The following ZNF224 variants were observed in gnomAD, a reference collection of about 807,000 sequenced individuals.
The protein encoded by ZNF224 is bone marrow zinc finger 2.
ZNF224 carries 8 observed loss-of-function variants against 10.5 expected under a neutral mutation model. The observed-to-expected ratio is 0.76, with a 90% CI of 0.45 to 1.37. The LOEUF (loss-of-function observed/expected upper bound fraction) is 1.37. Ranked by LOEUF, ZNF224 falls within the 40% of genes most tolerant of loss-of-function variation. The probability of loss-of-function intolerance (pLI) is 0.00; values close to 1 mark genes in which losing one functional copy is unlikely to be tolerated. For synonymous variants in ZNF224, 282 were observed against 287.8 expected, an observed-to-expected ratio of 0.98 and a Z score of 0.20; for missense variants, 754 against 854.0, an observed-to-expected ratio of 0.88 and a Z score of 1.46.
intron 4 of ZNF224, 91 bp downstream of exon 4, chr19:44,101,018 T>C: frequency 6.2e-7 from 1 of 1,610,228 alleles, no homozygotes; most frequent in Non-Finnish European, 8.5e-7. Context: ...AATTAGTAAC[T>C]TGAACCTATG....
In ZNF224 at chr19:44,100,807, A is replaced by G. The variant is rs1411361292; in HGVS notation, c.22A>G (p.Met8Val). ...CATATGTTTGATGCTATAGGAGGCA[A>G]TGACCTTCAAGGACGTGGCTGTGGT... The part of the protein sequence containing the change: MTTFKEA[M>V]TFKDVAVVFT... The change falls in exon 4 of 6, where the codon ATG becomes GTG. Residue 8 changes from methionine (M) to valine (V), a missense_variant. Physicochemically the swap from Met to Val is conservative, Grantham distance 21. Coordinates refer to ENST00000693561, the MANE Select transcript of ZNF224 (RefSeq NM_001321645.3). 9.9e-6 allele frequency: 16 copies of G among 1,613,628 alleles called. No individual in the cohort carries two copies. The highest frequency in any genetic ancestry group is 1.3e-5 in the Non-Finnish European group (15 of 1,179,788).
At position 44,100,878 on chromosome 19, in the gene ZNF224, G is replaced by A. The variant is rs1329212220; in HGVS notation, c.93G>A (p.Lys31=). 3.7e-6 allele frequency: 6 copies of A among 1,614,022 alleles called. No individual in the cohort carries two copies. Among genetic ancestry groups the A allele is most frequent in the Non-Finnish European group, 5.1e-6 (6 of 1,180,008 alleles). Residue 31 remains lysine (K), a synonymous_variant, in exon 4 of 6, where the codon AAG becomes AAA. Transcript: ENST00000693561. ...ELGLLDLAQR[K]LYRDVMLENF... ...GGCTGCTGGACCTTGCTCAGAGGAA[G>A]CTGTATCGAGATGTGATGCTGGAGA...
In ZNF224 at chr19:44,106,633, G is replaced by A; in HGVS notation, c.473G>A (p.Ser158Asn). 6.3e-7 allele frequency: 1 copy of A among 1,597,516 alleles called. No individual in the cohort carries two copies. ...GGCAATGGATATAAACCATCCTTCA[G>A]TGATGTCTCCCACTTTGATTTTCAT... is the stretch of plus-strand genomic sequence containing the variant. ...SQGNGYKPSFSDVSHFDFHQQ... is the reference protein window; with the variant it reads ...SQGNGYKPSFNDVSHFDFHQQ... The change falls in exon 6 of 6, where the codon AGT becomes AAT. Residue 158 changes from serine (S) to asparagine (N), a missense_variant. By Grantham distance (46) the Ser-to-Asn change is conservative (BLOSUM62 1). Transcript: ENST00000693561.
Position 44,100,888 on chromosome 19 carries a change from G to A in ZNF224, c.103G>A (p.Asp35Asn). ...CCTTGCTCAGAGGAAGCTGTATCGAGATGTGATGCTGGAGAACTTCAGGAA... is the reference window on the plus strand; with the variant it reads ...CCTTGCTCAGAGGAAGCTGTATCGAAATGTGATGCTGGAGAACTTCAGGAA... The part of the protein sequence containing the change: ...LDLAQRKLYR[D>N]VMLENFRNLL... The change falls in exon 4 of 6, where the codon GAT becomes AAT. Residue 35 changes from aspartate (D) to asparagine (N), a missense_variant. Transcript: ENST00000693561. 1 of 1,614,174 alleles carries A rather than the reference G, an allele frequency of 6.2e-7. No individual in the cohort carries two copies. The highest frequency in any genetic ancestry group is 8.5e-7 in the Non-Finnish European group (1 of 1,180,012).
In ZNF224 at chr19:44,108,666, G is replaced by T. The variant is rs1409594186; in HGVS notation, c.*382G>T. ...GACTAATGGTGGACATGTCCAAATT[G>T]ATGTCCACTAGAATGTAAACTACAT... is the stretch of plus-strand genomic sequence containing the variant. On this transcript the variant is annotated 3_prime_UTR_variant, in exon 6 of 6. Transcript: ENST00000693561. 2 of 519,194 alleles carry T rather than the reference G, an allele frequency of 3.9e-6. No homozygotes were observed. The highest frequency in any genetic ancestry group is 7.7e-6 in the Non-Finnish European group (2 of 260,418). 32.2% of individuals were successfully genotyped at this position (519,194 alleles called of 1,614,324 possible).
At chr19:44,102,506 G>T (rs1038283922) in intron 5 of ZNF224, among the ~76,000 whole-genome samples, 6 of 152,306 alleles carry the variant, frequency 3.9e-5, no homozygotes, top group Admixed American at 2.6e-4. Flanking sequence ...TGAAATTATG[G>T]AGAGAACTAA....
intron 3 of ZNF224, among the ~76,000 whole-genome samples, chr19:44,098,838 C>T (rs535878664): frequency 1.3e-5 from 2 of 152,302 alleles, no homozygotes; most frequent in African/African-American, 2.4e-5. Flanking sequence ...CTCGGCCTTC[C>T]AAAGTGCTGG....
At chr19:44,102,391 G>A (rs1171148919) in intron 5 of ZNF224, among the ~76,000 whole-genome samples, 3 of 151,966 alleles carry the variant, frequency 2.0e-5, no homozygotes, top group Admixed American at 6.6e-5. Context: ...TTAACTCTTC[G>A]TGGCTGTATT....
chr19:44,101,934 T>C (rs1002084430), intron 5 of ZNF224, among the ~76,000 whole-genome samples: 1 of 152,210 alleles, frequency 6.6e-6, no homozygotes, highest in African/African-American at 2.4e-5. Flanking sequence ...TATGCCTTCC[T>C]CTTTCACCTT....
At chr19:44,105,177 C>G (rs1568531143) in intron 5 of ZNF224, among the ~76,000 whole-genome samples, 1 of 152,188 alleles carries the variant, frequency 6.6e-6, no homozygotes. Flanking sequence ...TTCCAGTGAC[C>G]TAGTTTTACT....
intron 5 of ZNF224, 92 bp from the exon 6 acceptor site, chr19:44,106,304 A>T (rs914234718): frequency 1.5e-6 from 2 of 1,365,152 alleles, no homozygotes; most frequent in Admixed American, 2.0e-5. Flanking sequence ...GTCTATACTC[A>T]TGAGAGTTTC....
chr19:44,104,878 G>A (rs1373817101), intron 5 of ZNF224, among the ~76,000 whole-genome samples: 2 of 152,182 alleles, frequency 1.3e-5, no homozygotes, highest in African/African-American at 4.8e-5. Flanking sequence ...TAGCCAGGAT[G>A]GTCTCGATCT....
chr19:44,100,968 G>A (rs757283939), intron 4 of ZNF224, 41 bp downstream of exon 4: 2 of 1,610,618 alleles, frequency 1.2e-6, no homozygotes, highest in Non-Finnish European at 1.7e-6. Context: ...TCAGGCCCCA[G>A]AGGTGGCTTT....
At chr19:44,097,564 G>A (rs937208544) in intron 2 of ZNF224, 4 of 332,426 alleles carry the variant, frequency 1.2e-5, no homozygotes, top group African/African-American at 2.1e-5. Flanking sequence ...CATGTATGTT[G>A]TAGCATGAGT....
Position 44,106,678 on chromosome 19 carries a change from A to C in ZNF224, c.518A>C (p.Glu173Ala), listed in dbSNP as rs1189534762. 1 of 1,599,114 alleles carries C rather than the reference A, an allele frequency of 6.3e-7. No homozygotes were observed. Among genetic ancestry groups the C allele is most frequent in the East Asian group, 2.2e-5 (1 of 44,806 alleles). The change falls in exon 6 of 6, where the codon GAG becomes GCG. Residue 173 changes from glutamate to alanine, a missense_variant. Physicochemically the swap from Glu to Ala is moderately radical, Grantham distance 107 (BLOSUM62 -1). Transcript: ENST00000693561. ...TTTCATCAACAATTACACTCAGGAG[A>C]GAAATCTCATACGTGTGATGAGTGT... ...FDFHQQLHSGEKSHTCDECGK... is the reference protein window; with the variant it reads ...FDFHQQLHSGAKSHTCDECGK...
rs114131326 is a variant in ZNF224, at chr19:44,106,817, G to T, written c.657G>T (p.Leu219=). 8.2e-4 allele frequency: 1,319 copies of T among 1,613,764 alleles called. 13 individuals carry two copies. The African/African-American group carries it at 0.016, about 19-fold the overall frequency. ...AGGAATTCAGTCAGAGTTCACATCT[G>T]CAAACTCATCAGAGAGTCCACACTG... The part of the protein sequence containing the change: ...CGKEFSQSSH[L]QTHQRVHTGE... Residue 219 remains leucine (L), a synonymous_variant, in exon 6 of 6, where the codon CTG becomes CTT. Transcript: ENST00000693561.
intron 5 of ZNF224, among the ~76,000 whole-genome samples, chr19:44,101,914 C>T (rs1396426205): frequency 6.6e-6 from 1 of 152,146 alleles, no homozygotes; most frequent in African/African-American, 2.4e-5. Context: ...GCTCCCTCTG[C>T]CACTCTTCTT....
chr19:44,099,329 C>T (rs531127280), intron 3 of ZNF224, among the ~76,000 whole-genome samples: 3 of 152,230 alleles, frequency 2.0e-5, no homozygotes, highest in Admixed American at 1.3e-4. Flanking sequence ...GGAAAAGATG[C>T]CTTACACAAA....
chr19:44,107,567 A>C lies in ZNF224; in HGVS notation c.1407A>C (p.Pro469=). The change falls in exon 6 of 6, where the codon CCA becomes CCC. Residue 469 remains proline (P), a synonymous_variant. Coordinates refer to ENST00000693561, the MANE Select transcript of ZNF224 (RefSeq NM_001321645.3). The part of the protein sequence containing the change: ...KECGKSFSRA[P]CLLKHERLHS... ...GTGGGAAGAGCTTTAGTCGGGCCCC[A>C]TGTCTTTTGAAACATGAGAGACTCC... The C allele has an allele frequency of 6.2e-7, 1 of 1,613,086 alleles. No individual in the cohort carries two copies. Among genetic ancestry groups the C allele is most frequent in the Non-Finnish European group, 8.5e-7 (1 of 1,179,734 alleles).
Sources: gnomAD v4.1 joint callset for allele counts (sites outside exome capture counted in the v4.1 genomes callset) on GRCh38, gnomAD v4.1.1 for gene constraint, MANE v1.5 for transcripts, NCBI Gene and HGNC (gene_info 2026-07-23, HGNC 2026-07-21) for gene names.